Variants in STAU2 observed in about 807,000 individuals in gnomAD.
The protein encoded by STAU2 is double-stranded RNA-binding protein Staufen homolog 2.
STAU2 carries 20 observed loss-of-function variants against 65.9 expected under a neutral mutation model. The observed-to-expected ratio is 0.30, with a 90% confidence interval of 0.21 to 0.44. The LOEUF is 0.44. STAU2 is among the 20% of genes least tolerant of loss of function. The probability of loss-of-function intolerance (pLI) is 1.00; values close to 1 mark genes in which losing one functional copy is unlikely to be tolerated. For synonymous variants in STAU2, 232 were observed against 233.9 expected (o/e 0.99, Z 0.07); for missense variants, 558 against 683.9 (o/e 0.82, Z 2.05).
At chr8:73,690,914 C>A (rs1217029459) in intron 4 of STAU2, among the ~76,000 whole-genome samples, 1 of 152,116 alleles carries the variant, frequency 6.6e-6, no homozygotes, top group Non-Finnish European at 1.5e-5. Context: ...AATGATTTTT[C>A]AATGACTAGC....
chr8:73,455,528 A>G (rs1231848682), intron 13 of STAU2, among the ~76,000 whole-genome samples: 1 of 152,118 alleles, frequency 6.6e-6, no homozygotes, highest in Non-Finnish European at 1.5e-5. Flanking sequence ...GCCTCAGCTC[A>G]GGGCAGTCCA....
chr8:73,617,578 A>C (rs1357292134), intron 6 of STAU2, 127 bp from the exon 7 acceptor site: 10 of 901,278 alleles, frequency 1.1e-5, no homozygotes, highest in African/African-American at 1.7e-5. Context: ...TTAACCTCAA[A>C]AACATACTTT....
intron 4 of STAU2, among the ~76,000 whole-genome samples, chr8:73,698,935 A>AGAG (rs57943352): frequency 2.1e-5 from 3 of 144,312 alleles, no homozygotes; most frequent in Non-Finnish European, 3.0e-5. Flanking sequence ...AAAAAAAAAA[A>AGAG]AGAGAGAGAG....
At chr8:73,480,479 T>G (rs1820550286) in intron 13 of STAU2, among the ~76,000 whole-genome samples, 1 of 152,122 alleles carries the variant, frequency 6.6e-6, no homozygotes, top group Non-Finnish European at 1.5e-5. Context: ...AAGAGGGATT[T>G]TGCTGTGGAC....
chr8:73,456,158 T>C (rs903994570), intron 13 of STAU2, among the ~76,000 whole-genome samples: 3 of 147,200 alleles, frequency 2.0e-5, no homozygotes, highest in Admixed American at 6.7e-5. Flanking sequence ...TCTATCTTGT[T>C]GTCATGGAGC....
chr8:73,717,119 G>A (rs900713278), intron 3 of STAU2, among the ~76,000 whole-genome samples: 1 of 151,946 alleles, frequency 6.6e-6, no homozygotes, highest in African/African-American at 2.4e-5. Context: ...AATAAATAAA[G>A]TAGTAGGAAA....
At chr8:73,654,636 T>C (rs1816161833) in intron 6 of STAU2, among the ~76,000 whole-genome samples, 1 of 6,232 alleles carries the variant, frequency 1.6e-4, no homozygotes, top group African/African-American at 5.4e-4. Context: ...CAAGATTGTC[T>C]CAAAAAAAAA....
chr8:73,622,282 T>G (rs28457262), intron 6 of STAU2, among the ~76,000 whole-genome samples: 1 of 105,614 alleles, frequency 9.5e-6, no homozygotes, highest in Admixed American at 8.4e-5. Flanking sequence ...GCCCGCCACC[T>G]CGCCCGGCTA....
chr8:73,738,256 C>A, intron 3 of STAU2, 28 bp downstream of exon 3: 1 of 1,590,868 alleles, frequency 6.3e-7, no homozygotes, highest in Non-Finnish European at 8.6e-7. Context: ...ACCATGTAAG[C>A]ATGAAAAATG....
At chr8:73,517,437 T>TAAATAAAA in intron 13 of STAU2, among the ~76,000 whole-genome samples, 1 of 151,572 alleles carries the variant, frequency 6.6e-6, no homozygotes, top group South Asian at 2.1e-4. Context: ...TAAATAAAAA[T>TAAATAAAA]AAATAAATAA....
At chr8:73,716,372 G>C (rs1821254382) in intron 3 of STAU2, among the ~76,000 whole-genome samples, 1 of 152,246 alleles carries the variant, frequency 6.6e-6, no homozygotes, top group East Asian at 1.9e-4. Context: ...TTACAGGCGT[G>C]AGCCACTGCG....
chr8:73,536,500 A>G (rs950275353), intron 13 of STAU2, among the ~76,000 whole-genome samples: 10 of 152,182 alleles, frequency 6.6e-5, no homozygotes, highest in African/African-American at 2.2e-4. Flanking sequence ...GCAAAAGTCA[A>G]TTTGGAAGCC....
At chr8:73,492,658 T>A (rs777786373) in intron 13 of STAU2, among the ~76,000 whole-genome samples, 1 of 151,872 alleles carries the variant, frequency 6.6e-6, no homozygotes, top group Non-Finnish European at 1.5e-5. Flanking sequence ...TAATTCTTCA[T>A]ATGGTATGAG....
chr8:73,466,298 G>T (rs1307280340), intron 13 of STAU2, among the ~76,000 whole-genome samples: 1 of 152,196 alleles, frequency 6.6e-6, no homozygotes, highest in Non-Finnish European at 1.5e-5. Context: ...CATTTTTAAT[G>T]TGGCTAGAAA....
At chr8:73,643,559 AGGTCCTTAT>A (rs1314384661) in intron 6 of STAU2, among the ~76,000 whole-genome samples, 1 of 152,210 alleles carries the variant, frequency 6.6e-6, no homozygotes, top group East Asian at 1.9e-4. Context: ...ATGGAGGAAG[AGGTCCTTAT>A]GGCCTCTGAC....
chr8:73,709,762 T>G (rs923475773), intron 3 of STAU2, among the ~76,000 whole-genome samples: 8 of 152,066 alleles, frequency 5.3e-5, no homozygotes, highest in Non-Finnish European at 2.9e-5. Context: ...CAGTGCTTAT[T>G]AACCATGTTC....
intron 13 of STAU2, among the ~76,000 whole-genome samples, chr8:73,522,014 A>C (rs916634073): frequency 6.6e-6 from 1 of 152,216 alleles, no homozygotes; most frequent in African/African-American, 2.4e-5. Flanking sequence ...GAAGCAAGTA[A>C]GCTCAAGATC....
chr8:73,699,266 C>T (rs937865048), intron 4 of STAU2, among the ~76,000 whole-genome samples: 2 of 151,504 alleles, frequency 1.3e-5, no homozygotes, highest in Non-Finnish European at 2.9e-5. Context: ...CCTTAAAGAA[C>T]TAGAAAAATA....
intron 6 of STAU2, chr8:73,672,391 G>A (rs112096647): frequency 6.6e-6 from 1 of 151,846 alleles, no homozygotes; most frequent in African/African-American, 2.4e-5. Context: ...AGGTGATTGG[G>A]AACATTCTGT....
Sources: allele counts gnomAD v4.1 joint callset (sites outside exome capture counted in the v4.1 genomes callset), GRCh38; gene constraint gnomAD v4.1.1; transcripts MANE v1.5; gene names NCBI Gene and HGNC (gene_info 2026-07-23, HGNC 2026-07-21).